The following VPS13A variants were observed in gnomAD, a reference collection of about 807,000 sequenced individuals.
VPS13A encodes the protein intermembrane lipid transfer protein VPS13A.
In VPS13A, 264 loss-of-function variants were observed where a neutral mutation model predicts 390.9. The ratio of observed to expected loss-of-function variants is 0.68; its 90% CI spans 0.61 to 0.75. The LOEUF is 0.75. Among genes scored for constraint, VPS13A ranks in the 30% least tolerant of loss-of-function variants. VPS13A has a pLI of 0.00. For synonymous variants in VPS13A, 1,231 were observed against 1,227.1 expected (o/e 1.00, Z -0.07); for missense variants, 3,409 against 3,733.9 (o/e 0.91, Z 2.27).
At chr9:77,272,254 G>C (rs1371876373) in intron 23 of VPS13A, among the ~76,000 whole-genome samples, 1 of 152,148 alleles carries the variant, frequency 6.6e-6, no homozygotes, top group African/African-American at 2.4e-5. Context: ...GATATGGAGA[G>C]ATAGAAACTG....
intron 46 of VPS13A, 133 bp from the exon 47 acceptor site, chr9:77,337,122 A>G: frequency 1.0e-6 from 1 of 989,118 alleles, no homozygotes. Flanking sequence ...ATATCGTAAA[A>G]AGTATATGAA....
intron 31 of VPS13A, among the ~76,000 whole-genome samples, chr9:77,289,485 T>C (rs1392354502): frequency 6.6e-6 from 1 of 152,194 alleles, no homozygotes; most frequent in Non-Finnish European, 1.5e-5. Context: ...TATATATCTT[T>C]AATCATAGTC....
intron 31 of VPS13A, among the ~76,000 whole-genome samples, chr9:77,287,565 C>T (rs1020570874): frequency 6.6e-6 from 1 of 152,096 alleles, no homozygotes; most frequent in South Asian, 2.1e-4. Context: ...AGTAGTTAAT[C>T]AGTAATATAA....
chr9:77,275,213 A>AT (rs1243298252), intron 24 of VPS13A, among the ~76,000 whole-genome samples: 1 of 151,970 alleles, frequency 6.6e-6, no homozygotes, highest in Non-Finnish European at 1.5e-5. Context: ...AAAATAGACT[A>AT]TTTCAAAAGA....
At chr9:77,377,172 T>G (rs915706437) in intron 67 of VPS13A, among the ~76,000 whole-genome samples, 11 of 150,074 alleles carry the variant, frequency 7.3e-5, no homozygotes, top group African/African-American at 2.4e-4. Context: ...TACTTCTTTT[T>G]AAAAACTTAT....
rs1187953672 is a variant in VPS13A at position 77,177,536 on chromosome 9, C to G, written c.-169C>G. ...GCGCACGCGTCGTGAGAGCGACCGC[C>G]TCCGTCTCTCGCTGGGCTCGCTAGG... On this transcript the variant is annotated 5_prime_UTR_variant, in exon 1 of 72. Coordinates refer to ENST00000360280, the MANE Select transcript of VPS13A (RefSeq NM_033305.3). 1 of 643,250 alleles carries G rather than the reference C, an allele frequency of 1.6e-6. No individual in the cohort carries two copies. Among genetic ancestry groups the G allele is most frequent in the African/African-American group, 1.8e-5 (1 of 54,688 alleles). 39.8% of individuals were successfully genotyped at this position (643,250 alleles called of 1,614,324 possible).
At chr9:77,275,800 C>A in intron 25 of VPS13A, 148 bp downstream of exon 25, 1 of 976,684 alleles carries the variant, frequency 1.0e-6, no homozygotes, top group Non-Finnish European at 1.5e-6. Flanking sequence ...TTGGTCACTC[C>A]CCGCCCCCCC....
At chr9:77,272,958 G>A (rs1029489365) in intron 23 of VPS13A, among the ~76,000 whole-genome samples, 1 of 152,118 alleles carries the variant, frequency 6.6e-6, no homozygotes, top group South Asian at 2.1e-4. Flanking sequence ...TAAGTATTGT[G>A]ACTTGTGTGT....
Position 77,205,307 on chromosome 9 carries a change from A to G in VPS13A, c.188-6A>G. 1 of 1,452,410 alleles carries G rather than the reference A, an allele frequency of 6.9e-7. No individual in the cohort carries two copies. Among genetic ancestry groups the G allele is most frequent in the South Asian group, 1.4e-5 (1 of 73,284 alleles). The allele number at this position is 1,452,410 out of a possible 1,614,324, so 90.0% of individuals were successfully genotyped here. A position where few individuals can be genotyped will look rare whatever the true frequency, so the allele number is the denominator to read the frequency against. On this transcript the variant is annotated splice_polypyrimidine_tract_variant and splice_region_variant and intron_variant, in intron 3 of 71. Transcript: ENST00000360280. The stretch of plus-strand genomic sequence containing the variant: ...TGTCCTTTTTTTTTTTCCCAAAAAA[A>G]TGTAGGTAATCTTAAACTTATAATT...
At chr9:77,211,921 G>T (rs1055013554) in intron 7 of VPS13A, among the ~76,000 whole-genome samples, 22 of 152,246 alleles carry the variant, frequency 1.4e-4, no homozygotes, top group Admixed American at 9.8e-4. Context: ...ATCAGAGGTG[G>T]CATTCGATTC....
chr9:77,335,727 A>T (rs1375403714), intron 46 of VPS13A, among the ~76,000 whole-genome samples: 2 of 152,202 alleles, frequency 1.3e-5, no homozygotes, highest in Non-Finnish European at 2.9e-5. Context: ...GGATGTGGAG[A>T]AATAGGAATG....
chr9:77,313,073 G>A (rs550797077), intron 35 of VPS13A, among the ~76,000 whole-genome samples: 1 of 152,266 alleles, frequency 6.6e-6, no homozygotes, highest in South Asian at 2.1e-4. Flanking sequence ...ATTCCATAGA[G>A]TGCATGACTA....
intron 45 of VPS13A, among the ~76,000 whole-genome samples, chr9:77,331,790 T>C (rs79013015): frequency 6.6e-6 from 1 of 152,036 alleles, no homozygotes; most frequent in African/African-American, 2.4e-5. Flanking sequence ...TGTAGGATGC[T>C]TAAAGTCTGT....
intron 67 of VPS13A, among the ~76,000 whole-genome samples, chr9:77,374,551 A>G (rs917715563): frequency 1.3e-5 from 2 of 152,162 alleles, no homozygotes; most frequent in African/African-American, 4.8e-5. Flanking sequence ...CATGCAATTT[A>G]AAATGTAGGG....
At chr9:77,287,349 G>A (rs1827393767) in intron 31 of VPS13A, among the ~76,000 whole-genome samples, 2 of 151,724 alleles carry the variant, frequency 1.3e-5, no homozygotes, top group Admixed American at 1.3e-4. Context: ...CTGCAGGTGT[G>A]TGCCACCAGG....
Position 77,250,128 on chromosome 9 carries a change from A to T in VPS13A, c.2069A>T (p.Asp690Val), listed in dbSNP as rs760194691. 6.2e-7 allele frequency: 1 copy of T among 1,613,936 alleles called. No individual in the cohort carries two copies. Among genetic ancestry groups the T allele is most frequent in the Admixed American group, 1.7e-5 (1 of 60,024 alleles). ...AGTAAAAGTCGTTCTGAATTACCAG[A>T]TGTGAAACAAGGTGAGGCCAATCTT... ...VTSKSRSELP[D>V]VKQGEANLKE... Residue 690 changes from aspartate to valine, a missense_variant, in exon 21 of 72, where the codon GAT becomes GTT. Around this residue, in one of 5 missense-constraint regions of VPS13A, gnomAD observed 2,717 missense variants for 2,917.4 expected, o/e 0.93. Transcript: ENST00000360280.
chr9:77,406,033 A>T, intron 70 of VPS13A, 46 bp downstream of exon 70: 1 of 1,608,848 alleles, frequency 6.2e-7, no homozygotes, highest in Non-Finnish European at 8.5e-7. Context: ...ACTGAAAATA[A>T]TGCTTTGAAG....
intron 31 of VPS13A, among the ~76,000 whole-genome samples, chr9:77,288,670 G>A (rs910553937): frequency 6.6e-6 from 1 of 152,130 alleles, no homozygotes; most frequent in African/African-American, 2.4e-5. Context: ...TTTGTTTTAT[G>A]GCCCAGAACA....
chr9:77,309,150 C>T (rs1828926891), intron 35 of VPS13A, among the ~76,000 whole-genome samples: 1 of 152,150 alleles, frequency 6.6e-6, no homozygotes, highest in Non-Finnish European at 1.5e-5. Flanking sequence ...CCACCACCAC[C>T]AGCTCACCCA....
Sources: allele counts gnomAD v4.1 joint callset (sites outside exome capture counted in the v4.1 genomes callset), GRCh38; gene constraint gnomAD v4.1.1; regional missense constraint gnomAD v4.1.1; transcripts MANE v1.5; gene names NCBI Gene and HGNC (gene_info 2026-07-23, HGNC 2026-07-21).